The following UVRAG variants were observed in gnomAD, a reference collection of about 807,000 sequenced individuals.
UVRAG encodes UV radiation resistance associated.
Under a neutral mutation model 78.0 loss-of-function variants are expected in UVRAG, and 19 were observed. That is an observed-to-expected ratio of 0.24 (90% confidence interval 0.17 to 0.36). The LOEUF (loss-of-function observed/expected upper bound fraction) is 0.36, where lower values mean the gene tolerates loss of function less well. Ranked by LOEUF, UVRAG falls within the 10% of genes least tolerant of loss-of-function variation. UVRAG has a pLI of 1.00. For missense variants in UVRAG, 740 were observed against 853.8 expected, an observed-to-expected ratio of 0.87 and a Z score of 1.66; for synonymous variants, 323 against 324.6, an observed-to-expected ratio of 1.00 and a Z score of 0.05.
chr11:75,876,855 T>A (rs1430944044), intron 3 of UVRAG, among the ~76,000 whole-genome samples: 1 of 152,000 alleles, frequency 6.6e-6, no homozygotes, highest in Non-Finnish European at 1.5e-5. Flanking sequence ...TTTTATTTTT[T>A]ATTTTTATTT....
chr11:75,941,120 G>A (rs1418832978), intron 6 of UVRAG, among the ~76,000 whole-genome samples: 1 of 152,054 alleles, frequency 6.6e-6, no homozygotes, highest in Admixed American at 6.6e-5. Flanking sequence ...CATTTTGTAA[G>A]CAAGATTTTC....
At chr11:76,036,999 G>T (rs567630542) in intron 12 of UVRAG, among the ~76,000 whole-genome samples, 15 of 152,086 alleles carry the variant, frequency 9.9e-5, no homozygotes, top group Non-Finnish European at 1.6e-4. Context: ...ATATTTATTA[G>T]TTCACAAGAA....
rs575302024 is a variant in UVRAG, at chr11:76,144,214, T to C, written c.*2801T>C. ...AAACTCAGCATCTGTATTTATACAA[T>C]AAAATTGATTAGTATTTATTTTGAG... On this transcript the variant is annotated 3_prime_UTR_variant, in exon 15 of 15. Transcript: ENST00000356136. Among the ~76,000 whole-genome samples the C allele has an allele frequency of 6.6e-6, 1 of 152,384 alleles. No homozygotes were observed. The highest frequency in any genetic ancestry group is 2.1e-4 in the South Asian group (1 of 4,834).
chr11:75,936,588 A>G (rs1948377918), intron 6 of UVRAG, among the ~76,000 whole-genome samples: 1 of 152,170 alleles, frequency 6.6e-6, no homozygotes, highest in Non-Finnish European at 1.5e-5. Context: ...GAATCTCTTC[A>G]ATCTGGCTTC....
intron 12 of UVRAG, among the ~76,000 whole-genome samples, chr11:76,038,449 G>A (rs1285977251): frequency 6.6e-6 from 1 of 152,086 alleles, no homozygotes; most frequent in Non-Finnish European, 1.5e-5. Context: ...GGTATTATAA[G>A]TAATTTAGAG....
intron 12 of UVRAG, among the ~76,000 whole-genome samples, chr11:76,035,294 AT>A (rs1950513329): frequency 6.6e-6 from 1 of 152,200 alleles, no homozygotes. Context: ...TGGTTTCTGT[AT>A]AAATCACAAA....
At chr11:75,920,601 G>A (rs959145023) in intron 6 of UVRAG, among the ~76,000 whole-genome samples, 8 of 151,126 alleles carry the variant, frequency 5.3e-5, no homozygotes, top group East Asian at 1.9e-4. Flanking sequence ...CCCCCATTCC[G>A]CTGCCAGCAA....
chr11:75,961,306 C>T (rs548358681), intron 6 of UVRAG, 138 bp from the exon 7 acceptor site: 148 of 653,884 alleles, frequency 2.3e-4, no homozygotes, highest in African/African-American at 1.6e-3. Flanking sequence ...TATTTCATTG[C>T]GAATATGCTA....
At chr11:75,923,691 A>AGT (rs1478618171) in intron 6 of UVRAG, among the ~76,000 whole-genome samples, 4 of 152,180 alleles carry the variant, frequency 2.6e-5, no homozygotes, top group Admixed American at 6.5e-5. Flanking sequence ...CAATCCCTTT[A>AGT]GTACTCATCG....
intron 8 of UVRAG, among the ~76,000 whole-genome samples, chr11:75,989,211 C>T (rs1227307771): frequency 6.6e-6 from 1 of 152,000 alleles, no homozygotes; most frequent in East Asian, 1.9e-4. Flanking sequence ...TGTACCACCA[C>T]GCCTGGGTAA....
chr11:76,141,531 C>T lies in UVRAG; in HGVS notation c.*118C>T, dbSNP rs141263924. The T allele has an allele frequency of 8.0e-4, 837 of 1,042,876 alleles. 5 individuals carry two copies. The highest frequency in any genetic ancestry group is 3.8e-3 in the Middle Eastern group (12 of 3,164). The allele number at this position is 1,042,876 out of a possible 1,614,324, so 64.6% of individuals were successfully genotyped here. A position where few individuals can be genotyped will look rare whatever the true frequency, so the allele number is the denominator to read the frequency against. The stretch of plus-strand genomic sequence containing the variant: ...ATGAATATTAATGGAGGATATTCCT[C>T]GGAAAAACAGACTTTGGGAATGAAG... On this transcript the variant is annotated 3_prime_UTR_variant, in exon 15 of 15. Transcript: ENST00000356136.
At chr11:75,913,797 T>C (rs932559944) in intron 6 of UVRAG, among the ~76,000 whole-genome samples, 1 of 152,232 alleles carries the variant, frequency 6.6e-6, no homozygotes, top group African/African-American at 2.4e-5. Context: ...ATAATGACTG[T>C]GGACATTCTT....
At chr11:75,886,705 G>A (rs1947085954) in intron 4 of UVRAG, among the ~76,000 whole-genome samples, 1 of 152,222 alleles carries the variant, frequency 6.6e-6, no homozygotes, top group African/African-American at 2.4e-5. Flanking sequence ...AGGAGATACA[G>A]AAGTCAGGGA....
chr11:75,897,473 A>G lies in UVRAG; in HGVS notation c.507+8570A>G, dbSNP rs557623659. On this transcript the variant is annotated intron_variant, in intron 5 of 14. Transcript: ENST00000356136. Reference sequence around the variant, plus strand: ...ATGATTTATTGAACTTGACATGGCAAGTTAGCTCTATGCTACAGATGATAA... The same window carrying G: ...ATGATTTATTGAACTTGACATGGCAGGTTAGCTCTATGCTACAGATGATAA... Among the ~76,000 whole-genome samples the G allele has an allele frequency of 7.9e-5, 12 of 152,324 alleles. No individual in the cohort carries two copies. In the South Asian group the frequency reaches 2.5e-3, roughly 32 times the overall value.
chr11:75,860,880 G>A lies in UVRAG; in HGVS notation c.236-866G>A, dbSNP rs142224726. Among the ~76,000 whole-genome samples, 1,122 of 151,766 alleles carry A rather than the reference G, an allele frequency of 7.4e-3. 9 individuals are homozygous for A. The highest frequency in any genetic ancestry group is 0.017 in the Middle Eastern group (5 of 294). On this transcript the variant is annotated intron_variant, in intron 2 of 14. Coordinates refer to ENST00000356136, the MANE Select transcript of UVRAG (RefSeq NM_003369.4). ...TACCCACTGCAGCCTCTGTCTCCTGGGTTCAAGCAATTCTCCTGCTTCAGC... is the reference window on the plus strand; with the variant it reads ...TACCCACTGCAGCCTCTGTCTCCTGAGTTCAAGCAATTCTCCTGCTTCAGC...
intron 8 of UVRAG, among the ~76,000 whole-genome samples, chr11:75,995,221 T>A (rs188498202): frequency 9.9e-5 from 15 of 152,060 alleles, no homozygotes; most frequent in Non-Finnish European, 1.6e-4. Flanking sequence ...TGTCTATGAT[T>A]GTTGCCTGTT....
intron 12 of UVRAG, among the ~76,000 whole-genome samples, chr11:76,044,703 G>A (rs1018993847): frequency 6.6e-6 from 1 of 152,188 alleles, no homozygotes; most frequent in African/African-American, 2.4e-5. Context: ...GAACCTGGGA[G>A]ACGGAGGCTG....
intron 1 of UVRAG, among the ~76,000 whole-genome samples, chr11:75,818,776 T>G (rs1945321894): frequency 1.3e-5 from 2 of 152,134 alleles, no homozygotes; most frequent in African/African-American, 4.8e-5. Context: ...TGCGCCCGGC[T>G]GGTATCAATA....
intron 1 of UVRAG, among the ~76,000 whole-genome samples, chr11:75,831,281 G>A (rs1386573358): frequency 6.6e-6 from 1 of 152,152 alleles, no homozygotes; most frequent in Admixed American, 6.5e-5. Context: ...GAGGTCAAGA[G>A]AGTGAGACCA....
Sources: gnomAD v4.1 joint callset for allele counts (sites outside exome capture counted in the v4.1 genomes callset) on GRCh38, gnomAD v4.1.1 for gene constraint, MANE v1.5 for transcripts, NCBI Gene and HGNC (gene_info 2026-07-23, HGNC 2026-07-21) for gene names.